The following NARF variants were observed in gnomAD, a reference collection of about 807,000 sequenced individuals.
NARF encodes the protein iron-only hydrogenase-like protein 2.
A neutral mutation model predicts 48.0 loss-of-function variants in NARF; 41 were observed. The ratio of observed to expected loss-of-function variants is 0.85; its 90% CI spans 0.66 to 1.11. The LOEUF (loss-of-function observed/expected upper bound fraction) is 1.11, where lower values mean the gene tolerates loss of function less well. NARF is among the 50% of genes least tolerant of loss of function. NARF has a pLI of 0.00. For missense variants in NARF, 613 were observed against 590.2 expected, an observed-to-expected ratio of 1.04 and a Z score of -0.40; for synonymous variants, 215 against 225.5, an observed-to-expected ratio of 0.95 and a Z score of 0.42.
chr17:82,465,392 G>A (rs949178552), intron 3 of NARF, among the ~76,000 whole-genome samples: 3 of 152,144 alleles, frequency 2.0e-5, no homozygotes, highest in African/African-American at 4.8e-5. Context: ...GGGAAGCACC[G>A]GCATCCTACC....
chr17:82,466,691 G>T (rs1215901565), intron 3 of NARF, among the ~76,000 whole-genome samples: 1 of 151,950 alleles, frequency 6.6e-6, no homozygotes, highest in African/African-American at 2.4e-5. Flanking sequence ...GACCTCAAGT[G>T]ATGTGCTCGC....
chr17:82,461,892 G>A (rs1032705874), intron 2 of NARF, among the ~76,000 whole-genome samples: 2 of 152,212 alleles, frequency 1.3e-5, no homozygotes, highest in Non-Finnish European at 2.9e-5. Context: ...GGGGCTTAGG[G>A]AGCAACAGGG....
Position 82,488,334 on chromosome 17 carries a change from T to C in NARF, c.*177T>C. 3.1e-6 allele frequency: 3 copies of C among 976,076 alleles called. No homozygotes were observed. Among genetic ancestry groups the C allele is most frequent in the East Asian group, 2.7e-5 (1 of 37,540 alleles). The allele number at this position is 976,076 out of a possible 1,614,324, so 60.5% of individuals were successfully genotyped here. Reference sequence around the variant, plus strand: ...ATTGGAGGCCCCTCAGGCAGTTTCATGTGGTGCTATCTTCATAATAGGTGT... The same window carrying C: ...ATTGGAGGCCCCTCAGGCAGTTTCACGTGGTGCTATCTTCATAATAGGTGT... On this transcript the variant is annotated 3_prime_UTR_variant, in exon 11 of 11. Coordinates refer to ENST00000309794, the MANE Select transcript of NARF (RefSeq NM_012336.4).
At chr17:82,459,165 G>A in intron 1 of NARF, 1 of 1,115,510 alleles carries the variant, frequency 9.0e-7, no homozygotes, top group Non-Finnish European at 1.1e-6. Context: ...AGCGTTTCGA[G>A]AGGGTTTTAG....
At position 82,490,293 on chromosome 17, in the gene NARF, T is replaced by C. The variant is rs1455543889; in HGVS notation, c.*2136T>C. The stretch of plus-strand genomic sequence containing the variant: ...GGTGTCCTGAAGCACTGGGATTGGA[T>C]TAACTCGAGCGATGGCCTTCCCAGC... On this transcript the variant is annotated 3_prime_UTR_variant, in exon 11 of 11. Transcript: ENST00000309794. The C allele has an allele frequency of 6.6e-6, 1 of 152,258 alleles. No homozygotes were observed. Among genetic ancestry groups the C allele is most frequent in the Non-Finnish European group, 1.5e-5 (1 of 68,090 alleles). 9.4% of individuals were successfully genotyped at this position (152,258 alleles called of 1,614,324 possible). A position where few individuals can be genotyped will look rare whatever the true frequency, so the allele number is the denominator to read the frequency against.
At chr17:82,461,821 A>C (rs2043446777) in intron 2 of NARF, among the ~76,000 whole-genome samples, 1 of 152,176 alleles carries the variant, frequency 6.6e-6, no homozygotes, top group Non-Finnish European at 1.5e-5. Flanking sequence ...AGTAGTCCTG[A>C]CATGTTTAAT....
intron 3 of NARF, among the ~76,000 whole-genome samples, chr17:82,464,915 A>T (rs1276433073): frequency 1.3e-5 from 2 of 152,326 alleles, no homozygotes; most frequent in Middle Eastern, 6.8e-3. Flanking sequence ...ACAGAACGAG[A>T]GGTGCCACTT....
chr17:82,478,842 C>G lies in NARF; in HGVS notation c.563C>G (p.Thr188Ser). 1 of 1,614,098 alleles carries G rather than the reference C, an allele frequency of 6.2e-7. No individual in the cohort carries two copies. The highest frequency in any genetic ancestry group is 8.5e-7 in the Non-Finnish European group (1 of 1,180,006). The change falls in exon 6 of 11, where the codon ACT (threonine) becomes AGT (serine). Residue 188 changes from threonine (T) to serine (S), a missense_variant. By Grantham distance (58) the Thr-to-Ser change is moderately conservative. Transcript: ENST00000309794. The part of the protein sequence containing the change: ...YAERVLGRPI[T>S]AHLCTAKSPQ... ...GAGCGGGTGCTGGGTCGCCCCATCA[C>G]TGCCCACCTCTGCACCGCCAAGTCC...
chr17:82,478,731 T>C (rs1599844784), intron 5 of NARF, 69 bp from the exon 6 acceptor site: 1 of 1,466,214 alleles, frequency 6.8e-7, no homozygotes, highest in Non-Finnish European at 9.5e-7. Context: ...AGCTCAGCAT[T>C]CCCTGGTGCG....
Position 82,488,209 on chromosome 17 carries a change from C to G in NARF, c.*52C>G. ...CTTGGGGCCAGAGCCAAGAGCCTCT[C>G]AGTAGAGGGAGGGGCTGCCCTGAGT... On this transcript the variant is annotated 3_prime_UTR_variant, in exon 11 of 11. Transcript: ENST00000309794. 1.3e-6 allele frequency: 2 copies of G among 1,592,130 alleles called. No individual in the cohort carries two copies. The highest frequency in any genetic ancestry group is 1.7e-6 in the Non-Finnish European group (2 of 1,167,128).
At chr17:82,481,057 A>T (rs759145798) in intron 6 of NARF, 25 bp from the exon 7 acceptor site, 2 of 1,613,584 alleles carry the variant, frequency 1.2e-6, no homozygotes, top group Admixed American at 3.3e-5. Context: ...CACCAGCCCT[A>T]AATATGGGTG....
chr17:82,471,950 A>C (rs1018062146), intron 4 of NARF, among the ~76,000 whole-genome samples: 3 of 152,118 alleles, frequency 2.0e-5, no homozygotes, highest in Admixed American at 6.6e-5. Flanking sequence ...TTATATATGG[A>C]GTAAGGTGTT....
chr17:82,472,668 AC>A lies in NARF; in HGVS notation c.493del (p.Leu165CysfsTer4). On this transcript the variant is annotated frameshift_variant, in exon 5 of 11. Coordinates refer to ENST00000309794, the MANE Select transcript of NARF (RefSeq NM_012336.4). LOFTEE classifies it high-confidence loss of function. ...RYRQHSEEER[T>X]LPMLTSACPG... The stretch of plus-strand genomic sequence containing the variant: ...TCGCCAGCACAGTGAGGAGGAACGC[AC>A]CCTGCCCATGCTGACCTCTGCCTGT... 6.2e-7 allele frequency: 1 copy of A among 1,613,804 alleles called. No homozygotes were observed. The highest frequency in any genetic ancestry group is 8.5e-7 in the Non-Finnish European group (1 of 1,179,908).
Position 82,481,075 on chromosome 17 carries a change from C to G in NARF, c.640-7C>G. On this transcript the variant is annotated splice_region_variant and splice_polypyrimidine_tract_variant and intron_variant, in intron 6 of 10. Transcript: ENST00000309794. ...CAGCCCTAAATATGGGTGCCCCTCT[C>G]CCACAGAACCTGTCTCCAGAGAAGA... The G allele has an allele frequency of 6.2e-7, 1 of 1,614,092 alleles. No homozygotes were observed. Among genetic ancestry groups the G allele is most frequent in the Non-Finnish European group, 8.5e-7 (1 of 1,180,002 alleles).
Position 82,489,235 on chromosome 17 carries a change from T to C in NARF, c.*1078T>C, listed in dbSNP as rs1305533441. ...ACAGCCAGTCACCACCCTCCTCCCA[T>C]TCCTCACAGCCAGTCACCACCCTCC... On this transcript the variant is annotated 3_prime_UTR_variant, in exon 11 of 11. Coordinates refer to ENST00000309794, the MANE Select transcript of NARF (RefSeq NM_012336.4). 6.2e-6 allele frequency: 1 copy of C among 161,878 alleles called. No individual in the cohort carries two copies. Among genetic ancestry groups the C allele is most frequent in the Non-Finnish European group, 1.3e-5 (1 of 77,602 alleles). The allele number at this position is 161,878 out of a possible 1,614,324, so 10.0% of individuals were successfully genotyped here.
At chr17:82,471,007 A>G (rs2043687341) in intron 4 of NARF, among the ~76,000 whole-genome samples, 1 of 151,494 alleles carries the variant, frequency 6.6e-6, no homozygotes, top group Admixed American at 6.6e-5. Context: ...CACTAAAAAT[A>G]CAAAAATTAG....
In NARF at chr17:82,481,189, C is replaced by T. The variant is rs754016015; in HGVS notation, c.747C>T (p.Gly249=). The change falls in exon 7 of 11, where the codon GGC becomes GGT. Residue 249 remains glycine, a synonymous_variant. Coordinates refer to ENST00000309794, the MANE Select transcript of NARF (RefSeq NM_012336.4). ...CCCCTGCTTTGCATGGCTCCCGGGG[C>T]GCTGACTGCGTGTTAACATCAGGTG... ...SLPPALHGSR[G]ADCVLTSGEI... The T allele has an allele frequency of 5.0e-6, 8 of 1,613,954 alleles. No homozygotes were observed. The highest frequency in any genetic ancestry group is 1.6e-4 in the Middle Eastern group (1 of 6,062).
rs72859133 is a variant in NARF, at chr17:82,475,266, C to G, written c.520+2568C>G. ...AGGAAGAGGCCGTGTAAAATGACAA[C>G]GAACTAAGGCCCATGCCCCTGGAGC... On this transcript the variant is annotated intron_variant, in intron 5 of 10. Coordinates refer to ENST00000309794, the MANE Select transcript of NARF (RefSeq NM_012336.4). Among the ~76,000 whole-genome samples the G allele has an allele frequency of 7.2e-3, 1,092 of 152,272 alleles. 3 individuals are homozygous for G. The highest frequency in any genetic ancestry group is 0.011 in the Non-Finnish European group (779 of 68,014).
intron 5 of NARF, among the ~76,000 whole-genome samples, chr17:82,474,674 G>A (rs1379776017): frequency 6.6e-6 from 1 of 152,174 alleles, no homozygotes; most frequent in African/African-American, 2.4e-5. Context: ...TAGTCATTAG[G>A]ATTATGAATT....
Sources: allele counts gnomAD v4.1 joint callset (sites outside exome capture counted in the v4.1 genomes callset), GRCh38; gene constraint gnomAD v4.1.1; transcripts MANE v1.5; gene names NCBI Gene and HGNC (gene_info 2026-07-23, HGNC 2026-07-21).